The following MAML3 variants were observed in gnomAD, a reference collection of about 807,000 sequenced individuals.
MAML3 encodes mastermind like transcriptional coactivator 3.
Under a neutral mutation model 101.9 loss-of-function variants are expected in MAML3, and 27 were observed. The ratio of observed to expected loss-of-function variants is 0.27; its 90% CI spans 0.20 to 0.37. The LOEUF (loss-of-function observed/expected upper bound fraction) is 0.37. MAML3 is among the 10% of genes least tolerant of loss of function. MAML3 has a pLI of 1.00. For synonymous variants in MAML3, 501 were observed against 555.9 expected, an observed-to-expected ratio of 0.90 and a Z score of 1.39; for missense variants, 1,316 against 1,444.9, an observed-to-expected ratio of 0.91 and a Z score of 1.45.
intron 2 of MAML3, among the ~76,000 whole-genome samples, chr4:139,851,367 A>G (rs549437680): frequency 1.3e-5 from 2 of 152,366 alleles, no homozygotes; most frequent in Non-Finnish European, 2.9e-5. Flanking sequence ...AAGACTCTTC[A>G]GAGGAAGGCC....
At chr4:140,129,821 C>T (rs1728758011) in intron 1 of MAML3, among the ~76,000 whole-genome samples, 1 of 151,940 alleles carries the variant, frequency 6.6e-6, no homozygotes, top group East Asian at 1.9e-4. Flanking sequence ...AAAAATTAGC[C>T]AGGCATGGTG....
chr4:140,129,246 GGACCATGGAAGCC>G (rs1400176490), intron 1 of MAML3, among the ~76,000 whole-genome samples: 1 of 152,068 alleles, frequency 6.6e-6, no homozygotes, highest in Non-Finnish European at 1.5e-5. Context: ...TCCATCAGTG[GGACCATGGAAGCC>G]CCCTTCTAGG....
chr4:139,797,162 A>C (rs1200090625), intron 2 of MAML3, among the ~76,000 whole-genome samples: 1 of 152,232 alleles, frequency 6.6e-6, no homozygotes, highest in Non-Finnish European at 1.5e-5. Flanking sequence ...AACTTGTTTT[A>C]CAGTTTATCT....
At chr4:140,090,533 G>A (rs969501771) in intron 1 of MAML3, among the ~76,000 whole-genome samples, 3 of 152,152 alleles carry the variant, frequency 2.0e-5, no homozygotes, top group African/African-American at 7.2e-5. Context: ...CCTGTACTGG[G>A]TTATACTGCT....
At chr4:140,073,708 A>C (rs2110957398) in intron 1 of MAML3, among the ~76,000 whole-genome samples, 1 of 152,288 alleles carries the variant, frequency 6.6e-6, no homozygotes, top group African/African-American at 2.4e-5. Context: ...CTTCAAAATA[A>C]TCCATATGTT....
chr4:139,793,618 C>CT (rs1242919118), intron 2 of MAML3, among the ~76,000 whole-genome samples: 2 of 152,306 alleles, frequency 1.3e-5, no homozygotes, highest in East Asian at 1.9e-4. Context: ...TTTTCCAAGC[C>CT]TGGCTCTGCA....
At chr4:139,987,693 T>C (rs1271473066) in intron 1 of MAML3, among the ~76,000 whole-genome samples, 2 of 152,014 alleles carry the variant, frequency 1.3e-5, no homozygotes, top group African/African-American at 4.8e-5. Context: ...CCTTCCCGCC[T>C]GGCCACTTTG....
chr4:140,143,857 G>A (rs549475656), intron 1 of MAML3, among the ~76,000 whole-genome samples: 1 of 152,334 alleles, frequency 6.6e-6, no homozygotes, highest in African/African-American at 2.4e-5. Flanking sequence ...AGCTAGGATG[G>A]CGCTGCCATG....
intron 1 of MAML3, among the ~76,000 whole-genome samples, chr4:140,012,120 A>G (rs1466573294): frequency 2.0e-5 from 3 of 152,196 alleles, no homozygotes; most frequent in Non-Finnish European, 2.9e-5. Context: ...GAAAGTTTTG[A>G]AAAACAGGGA....
chr4:139,721,951 T>A (rs1472305045), intron 4 of MAML3, among the ~76,000 whole-genome samples: 1 of 152,206 alleles, frequency 6.6e-6, no homozygotes, highest in Non-Finnish European at 1.5e-5. Context: ...GTTATTGAGT[T>A]GTTTATAAAA....
At chr4:139,792,096 A>G (rs1235035121) in intron 2 of MAML3, among the ~76,000 whole-genome samples, 2 of 152,246 alleles carry the variant, frequency 1.3e-5, no homozygotes, top group Admixed American at 1.3e-4. Context: ...AATTTAACTC[A>G]ATTAACATTT....
rs766402121 is a variant in MAML3 at position 140,153,627 on chromosome 4, G to A, written c.-300C>T. 1.9e-5 allele frequency: 7 copies of A among 366,870 alleles called. No homozygotes were observed. Among genetic ancestry groups the A allele is most frequent in the Non-Finnish European group, 2.9e-5 (6 of 205,862 alleles). 22.7% of individuals were successfully genotyped at this position (366,870 alleles called of 1,614,324 possible). A position where few individuals can be genotyped will look rare whatever the true frequency, so the allele number is the denominator to read the frequency against. On this transcript the variant is annotated 5_prime_UTR_variant, in exon 1 of 5. Transcript: ENST00000509479. ...CAACAAACTGAGCCAGCAGCAAATC[G>A]GGTTGCAACTCAAGGGGAGATCCGC... is the stretch of plus-strand genomic sequence containing the variant.
At chr4:140,100,620 C>T (rs1728238605) in intron 1 of MAML3, among the ~76,000 whole-genome samples, 2 of 151,472 alleles carry the variant, frequency 1.3e-5, no homozygotes, top group Admixed American at 1.3e-4. Context: ...AACTAAGATG[C>T]ACTTAAAATG....
chr4:140,074,652 C>G (rs1727736564), intron 1 of MAML3, among the ~76,000 whole-genome samples: 2 of 147,050 alleles, frequency 1.4e-5, no homozygotes, highest in Admixed American at 6.6e-5. Context: ...CATTAGTTTT[C>G]ACTGTATTCA....
In MAML3 at chr4:139,719,408, C is replaced by T; in HGVS notation, c.3332G>A (p.Gly1111Asp). 1.2e-6 allele frequency: 2 copies of T among 1,614,002 alleles called. No homozygotes were observed. The highest frequency in any genetic ancestry group is 2.2e-5 in the South Asian group (2 of 91,078). The part of the protein sequence containing the change: ...AGGSFPGLPD[G>D]ADLVDSIIKG... ...GATGATGGAGTCCACAAGGTCTGCA[C>T]CGTCCGGGAGGCCAGGGAAGGAACC... The change falls in exon 5 of 5, where the codon GGT becomes GAT. Residue 1111 changes from glycine to aspartate, a missense_variant. Gly to Asp is a moderately conservative substitution (Grantham distance 94, BLOSUM62 -1). Coordinates refer to ENST00000509479, the MANE Select transcript of MAML3 (RefSeq NM_018717.5).
chr4:140,025,946 A>T (rs959551758), intron 1 of MAML3, among the ~76,000 whole-genome samples: 1 of 152,178 alleles, frequency 6.6e-6, no homozygotes, highest in African/African-American at 2.4e-5. Context: ...GTTTGTGTGC[A>T]TGGGCAGCTC....
At chr4:140,064,588 T>C (rs1241498462) in intron 1 of MAML3, among the ~76,000 whole-genome samples, 3 of 152,194 alleles carry the variant, frequency 2.0e-5, no homozygotes, top group African/African-American at 7.2e-5. Flanking sequence ...AAGGTAACCA[T>C]CCAGCTTGGG....
intron 2 of MAML3, among the ~76,000 whole-genome samples, chr4:139,789,086 G>A (rs900210479): frequency 6.6e-6 from 1 of 152,180 alleles, no homozygotes; most frequent in East Asian, 1.9e-4. Flanking sequence ...TAGCCTTAGA[G>A]ATCATCAAAT....
At chr4:140,120,130 G>T (rs1411557242) in intron 1 of MAML3, among the ~76,000 whole-genome samples, 1 of 151,682 alleles carries the variant, frequency 6.6e-6, no homozygotes, top group Non-Finnish European at 1.5e-5. Flanking sequence ...CCAGCTACTC[G>T]GGAGGCTGAG....
Sources: allele counts gnomAD v4.1 joint callset (sites outside exome capture counted in the v4.1 genomes callset), GRCh38; gene constraint gnomAD v4.1.1; transcripts MANE v1.5; gene names NCBI Gene and HGNC (gene_info 2026-07-23, HGNC 2026-07-21).